The following KLHL42 variants were observed in gnomAD, a reference collection of about 807,000 sequenced individuals.
KLHL42 encodes the protein kelch-like protein 42.
KLHL42 carries 27 observed loss-of-function variants against 32.7 expected under a neutral mutation model. The observed-to-expected ratio is 0.83, with a 90% CI of 0.61 to 1.14. The LOEUF is 1.14. Among genes scored for constraint, KLHL42 ranks in the 50% most tolerant of loss-of-function variants. The probability of loss-of-function intolerance (pLI) is 0.00; values close to 1 mark genes in which losing one functional copy is unlikely to be tolerated. For synonymous variants in KLHL42, 267 were observed against 248.2 expected (o/e 1.08, Z -0.71); for missense variants, 491 against 560.8 (o/e 0.88, Z 1.26).
At chr12:27,791,651 T>C in intron 1 of KLHL42, 57 bp from the exon 2 acceptor site, 2 of 1,441,810 alleles carry the variant, frequency 1.4e-6, no homozygotes, top group Non-Finnish European at 1.9e-6. Flanking sequence ...ATGCCATTGT[T>C]ACACTTTTCA....
In KLHL42 at chr12:27,801,673, TG is replaced by T. The variant is rs983291183; in HGVS notation, c.*3509del. 1 of 152,198 alleles carries T rather than the reference TG, an allele frequency of 6.6e-6. No homozygotes were observed. Among genetic ancestry groups the T allele is most frequent in the African/African-American group, 2.4e-5 (1 of 41,444 alleles). The allele number at this position is 152,198 out of a possible 1,614,324, so 9.4% of individuals were successfully genotyped here. On this transcript the variant is annotated 3_prime_UTR_variant, in exon 3 of 3. Coordinates refer to ENST00000381271, the MANE Select transcript of KLHL42 (RefSeq NM_020782.2). ...TTTGGTCTTAGAATCCATGTCAGAT[TG>T]GTGCTTCCAGACATCTATTCCCAGT...
rs2062230503 is a variant in KLHL42 at position 27,798,622 on chromosome 12, C to T, written c.*456C>T. On this transcript the variant is annotated 3_prime_UTR_variant, in exon 3 of 3. Transcript: ENST00000381271. ...AAGCATTCATATTAACATATTCATTCTCTCTTCTCCATCACCCATACCCAC... is the reference window on the plus strand; with the variant it reads ...AAGCATTCATATTAACATATTCATTTTCTCTTCTCCATCACCCATACCCAC... 1 of 163,114 alleles carries T rather than the reference C, an allele frequency of 6.1e-6. No individual in the cohort carries two copies. Among genetic ancestry groups the T allele is most frequent in the South Asian group, 1.6e-4 (1 of 6,430 alleles). The allele number at this position is 163,114 out of a possible 1,614,324, so 10.1% of individuals were successfully genotyped here. A position where few individuals can be genotyped will look rare whatever the true frequency, so the allele number is the denominator to read the frequency against.
chr12:27,794,210 A>C (rs1280723474), intron 2 of KLHL42, among the ~76,000 whole-genome samples: 1 of 152,190 alleles, frequency 6.6e-6, no homozygotes, highest in East Asian at 1.9e-4. Context: ...TGGCGACCAG[A>C]AGTCAGAAGT....
In KLHL42 at chr12:27,791,745, T is replaced by C. The variant is rs1230901772; in HGVS notation, c.910T>C (p.Tyr304His). The C allele has an allele frequency of 1.2e-6, 2 of 1,614,088 alleles. No individual in the cohort carries two copies. The highest frequency in any genetic ancestry group is 1.7e-6 in the Non-Finnish European group (2 of 1,179,992). ...FKLVAVNSKL[Y>H]AIGGQAVSNV... ...ACTTGTGGCTGTTAATTCAAAACTC[T>C]ATGCCATCGGAGGGCAGGCCGTTTC... is the stretch of plus-strand genomic sequence containing the variant. The change falls in exon 2 of 3, where the codon TAT (tyrosine) becomes CAT (histidine). Residue 304 changes from tyrosine (Y) to histidine (H), a missense_variant. Tyr to His is a moderately conservative substitution (Grantham distance 83). Coordinates refer to ENST00000381271, the MANE Select transcript of KLHL42 (RefSeq NM_020782.2).
At chr12:27,789,518 A>G (rs2062187346) in intron 1 of KLHL42, among the ~76,000 whole-genome samples, 1 of 152,228 alleles carries the variant, frequency 6.6e-6, no homozygotes, top group East Asian at 1.9e-4. Context: ...ATTGGTCTCA[A>G]AAAGAAGCCC....
rs749194179 is a variant in KLHL42 at position 27,797,835 on chromosome 12, TG to T, written c.1194del (p.Cys399ValfsTer44). 3 of 778,786 alleles carry T rather than the reference TG, an allele frequency of 3.9e-6. No individual in the cohort carries two copies. The highest frequency in any genetic ancestry group is 2.4e-6 in the Non-Finnish European group (1 of 416,588). The allele number at this position is 778,786 out of a possible 1,614,324, so 48.2% of individuals were successfully genotyped here. ...MVSVEETIYI[V>X]GGCLHELGPN... The stretch of plus-strand genomic sequence containing the variant: ...TCTGTGGAAGAGACCATCTACATCG[TG>T]GGGGGGTGTCTCCACGAGCTGGGGC... On this transcript the variant is annotated frameshift_variant, in exon 3 of 3. Coordinates refer to ENST00000381271, the MANE Select transcript of KLHL42 (RefSeq NM_020782.2). LOFTEE classifies it high-confidence loss of function.
Position 27,799,958 on chromosome 12 carries a change from A to G in KLHL42, c.*1792A>G, listed in dbSNP as rs868060009. ...TCTGAACCAAAATCTTCCCAGGAATAGTACTTAATAGATTTTAATGTTAAT... is the reference window on the plus strand; with the variant it reads ...TCTGAACCAAAATCTTCCCAGGAATGGTACTTAATAGATTTTAATGTTAAT... On this transcript the variant is annotated 3_prime_UTR_variant, in exon 3 of 3. Coordinates refer to ENST00000381271, the MANE Select transcript of KLHL42 (RefSeq NM_020782.2). The G allele has an allele frequency of 2.2e-6, 2 of 894,470 alleles. No homozygotes were observed. Among genetic ancestry groups the G allele is most frequent in the South Asian group, 1.0e-4 (2 of 19,334 alleles). The allele number at this position is 894,470 out of a possible 1,614,324, so 55.4% of individuals were successfully genotyped here.
At position 27,781,039 on chromosome 12, in the gene KLHL42, C is replaced by T; in HGVS notation, c.709C>T (p.Pro237Ser). 6.2e-7 allele frequency: 1 copy of T among 1,613,550 alleles called. No homozygotes were observed. Among genetic ancestry groups the T allele is most frequent in the Non-Finnish European group, 8.5e-7 (1 of 1,179,644 alleles). The change falls in exon 1 of 3, where the codon CCT becomes TCT. Residue 237 changes from proline (P) to serine (S), a missense_variant. Around this residue, in one of 4 missense-constraint regions of KLHL42, gnomAD observed 248 missense variants for 329.2 expected, o/e 0.75. Transcript: ENST00000381271. Reference protein sequence around the residue: ...ERWFPLANNLPPDLVNVRGYG... With the variant: ...ERWFPLANNLSPDLVNVRGYG... ...TTGGTTCCCGCTGGCCAACAACCTTCCTCCCGACCTGGTCAATGTCAGGGG... is the reference window on the plus strand; with the variant it reads ...TTGGTTCCCGCTGGCCAACAACCTTTCTCCCGACCTGGTCAATGTCAGGGG...
At chr12:27,787,085 A>G (rs563402294) in intron 1 of KLHL42, among the ~76,000 whole-genome samples, 21 of 152,260 alleles carry the variant, frequency 1.4e-4, no homozygotes, top group African/African-American at 4.6e-4. Flanking sequence ...CTATATGACC[A>G]TCAGAGGGTA....
Position 27,800,158 on chromosome 12 carries a change from T to C in KLHL42, c.*1992T>C, listed in dbSNP as rs1024950118. 46 of 985,268 alleles carry C rather than the reference T, an allele frequency of 4.7e-5. No individual in the cohort carries two copies. The highest frequency in any genetic ancestry group is 6.1e-5 in the Admixed American group (1 of 16,268). The allele number at this position is 985,268 out of a possible 1,614,324, so 61.0% of individuals were successfully genotyped here. On this transcript the variant is annotated 3_prime_UTR_variant, in exon 3 of 3. Transcript: ENST00000381271. Reference sequence around the variant, plus strand: ...GTTGAATTAGTACTGGACAAACAGTTGGAGATTAGTTTGCAAATAAGCATA... The same window carrying C: ...GTTGAATTAGTACTGGACAAACAGTCGGAGATTAGTTTGCAAATAAGCATA...
Position 27,800,911 on chromosome 12 carries a change from A to C in KLHL42, c.*2745A>C, listed in dbSNP as rs950535105. 1.3e-5 allele frequency: 2 copies of C among 152,146 alleles called. No homozygotes were observed. Among genetic ancestry groups the C allele is most frequent in the Non-Finnish European group, 2.9e-5 (2 of 68,036 alleles). The allele number at this position is 152,146 out of a possible 1,614,324, so 9.4% of individuals were successfully genotyped here. On this transcript the variant is annotated 3_prime_UTR_variant, in exon 3 of 3. Coordinates refer to ENST00000381271, the MANE Select transcript of KLHL42 (RefSeq NM_020782.2). The stretch of plus-strand genomic sequence containing the variant: ...GGGTGGCAGCCCCCCGACCAGAAGC[A>C]CCCTATTTTATAGATAGCAGTCTGA...
At position 27,800,010 on chromosome 12, in the gene KLHL42, C is replaced by T. The variant is rs563988840; in HGVS notation, c.*1844C>T. ...TATATTCATTGTAGAATTGAATTTC[C>T]AGTGACCTGTAATTTCATTACATAT... is the stretch of plus-strand genomic sequence containing the variant. On this transcript the variant is annotated 3_prime_UTR_variant, in exon 3 of 3. Coordinates refer to ENST00000381271, the MANE Select transcript of KLHL42 (RefSeq NM_020782.2). The T allele has an allele frequency of 7.9e-5, 71 of 895,258 alleles. No individual in the cohort carries two copies. In the African/African-American group the frequency reaches 1.2e-3, roughly 15 times the overall value. The allele number at this position is 895,258 out of a possible 1,614,324, so 55.5% of individuals were successfully genotyped here. A position where few individuals can be genotyped will look rare whatever the true frequency, so the allele number is the denominator to read the frequency against.
rs570255804 is a variant in KLHL42 at position 27,798,959 on chromosome 12, G to T, written c.*793G>T. The T allele has an allele frequency of 1.3e-5, 2 of 152,450 alleles. No individual in the cohort carries two copies. Among genetic ancestry groups the T allele is most frequent in the South Asian group, 4.1e-4 (2 of 4,820 alleles). The allele number at this position is 152,450 out of a possible 1,614,324, so 9.4% of individuals were successfully genotyped here. A position where few individuals can be genotyped will look rare whatever the true frequency, so the allele number is the denominator to read the frequency against. ...ATATTATTTAGAAAAATGGACATAT[G>T]AATATTATTAAAAATTGAGTCTTAA... On this transcript the variant is annotated 3_prime_UTR_variant, in exon 3 of 3. Coordinates refer to ENST00000381271, the MANE Select transcript of KLHL42 (RefSeq NM_020782.2).
At position 27,780,257 on chromosome 12, in the gene KLHL42, C is replaced by A. The variant is rs2062139115; in HGVS notation, c.-74C>A. Reference sequence around the variant, plus strand: ...CATCCCTCGGCGCCCCGCCCGGAACCGGCGCGCGCGTAGGGGCTGGGAGGC... The same window carrying A: ...CATCCCTCGGCGCCCCGCCCGGAACAGGCGCGCGCGTAGGGGCTGGGAGGC... On this transcript the variant is annotated 5_prime_UTR_variant, in exon 1 of 3. Coordinates refer to ENST00000381271, the MANE Select transcript of KLHL42 (RefSeq NM_020782.2). The surrounding 1 kb of genome is among the most constrained non-coding windows in gnomAD (Gnocchi z 8.8). 7.4e-7 allele frequency: 1 copy of A among 1,360,200 alleles called. No individual in the cohort carries two copies. Among genetic ancestry groups the A allele is most frequent in the Admixed American group, 3.7e-5 (1 of 26,782 alleles). 84.3% of individuals were successfully genotyped at this position (1,360,200 alleles called of 1,614,324 possible).
chr12:27,797,197 AG>A (rs1334097971), intron 2 of KLHL42: 1 of 455,350 alleles, frequency 2.2e-6, no homozygotes, highest in Admixed American at 2.4e-5. Flanking sequence ...GCCGCAGGTG[AG>A]ACTTTGCTGC....
chr12:27,795,169 T>C (rs904144115), intron 2 of KLHL42, among the ~76,000 whole-genome samples: 1 of 152,252 alleles, frequency 6.6e-6, no homozygotes, highest in Non-Finnish European at 1.5e-5. Context: ...TAACACAGAC[T>C]GCATCTTGTG....
chr12:27,793,625 G>T (rs1316643241), intron 2 of KLHL42, among the ~76,000 whole-genome samples: 1 of 152,096 alleles, frequency 6.6e-6, no homozygotes, highest in African/African-American at 2.4e-5. Context: ...AAGCAGAGGG[G>T]TGCCTTTCCT....
Position 27,800,184 on chromosome 12 carries a change from T to A in KLHL42, c.*2018T>A. The A allele has an allele frequency of 3.0e-6, 3 of 985,410 alleles. No individual in the cohort carries two copies. The highest frequency in any genetic ancestry group is 5.2e-4 in the Middle Eastern group (1 of 1,914). 61.0% of individuals were successfully genotyped at this position (985,410 alleles called of 1,614,324 possible). ...GGAGATTAGTTTGCAAATAAGCATA[T>A]CATATCAAATACAATATTCCAGCCA... On this transcript the variant is annotated 3_prime_UTR_variant, in exon 3 of 3. Transcript: ENST00000381271.
chr12:27,792,609 T>C (rs911607386), intron 2 of KLHL42, among the ~76,000 whole-genome samples: 3 of 152,306 alleles, frequency 2.0e-5, no homozygotes, highest in South Asian at 2.1e-4. Flanking sequence ...CTGCAATCTC[T>C]GCCTCCTGGG....
Sources: allele counts gnomAD v4.1 joint callset (sites outside exome capture counted in the v4.1 genomes callset), GRCh38; gene constraint gnomAD v4.1.1; regional missense constraint gnomAD v4.1.1; non-coding constraint Gnocchi (gnomAD v3.1); transcripts MANE v1.5; gene names NCBI Gene and HGNC (gene_info 2026-07-23, HGNC 2026-07-21).